The following RNF17 variants were observed in gnomAD, a reference collection of about 807,000 sequenced individuals.
RNF17 encodes spermatogenesis associated 23.
In RNF17, 31 loss-of-function variants were observed where a neutral mutation model predicts 200.5. The observed-to-expected ratio is 0.15, with a 90% CI of 0.12 to 0.21. The LOEUF (loss-of-function observed/expected upper bound fraction) is 0.21. Ranked by LOEUF, RNF17 falls within the 10% of genes least tolerant of loss-of-function variation. RNF17 has a pLI of 1.00. For missense variants in RNF17, 1,628 were observed against 1,905.1 expected (o/e 0.85, Z 2.71); for synonymous variants, 606 against 637.8 (o/e 0.95, Z 0.75).
intron 18 of RNF17, among the ~76,000 whole-genome samples, chr13:24,832,457 C>A (rs1334690458): frequency 6.6e-6 from 1 of 152,136 alleles, no homozygotes; most frequent in Admixed American, 6.5e-5. Flanking sequence ...TAGAGTCTGA[C>A]CACTAGCCCA....
At chr13:24,888,295 G>T in the RNF17 span, among the ~76,000 whole-genome samples, 1 of 151,936 alleles carries the variant, frequency 6.6e-6, no homozygotes, top group Non-Finnish European at 1.5e-5. Context: ...AACCCAGATT[G>T]GGAGAAAATA....
the RNF17 span, among the ~76,000 whole-genome samples, chr13:24,748,842 C>T: frequency 6.6e-6 from 1 of 151,966 alleles, no homozygotes; most frequent in South Asian, 2.1e-4. Flanking sequence ...CTCCGCCTCC[C>T]GGGTCCAAGC....
upstream of RNF17, among the ~76,000 whole-genome samples, chr13:24,761,227 G>A (rs1287682004): frequency 6.6e-6 from 1 of 151,770 alleles, no homozygotes; most frequent in African/African-American, 2.4e-5. Context: ...TATGTTATAT[G>A]TTTCTATTCA....
At position 24,843,911 on chromosome 13, in the gene RNF17, A is replaced by G. The variant is rs1890963250; in HGVS notation, c.2771A>G (p.Asn924Ser). ...AAGGAATTGCCTGTGCATATCTGTAATGTAATATCTCCTGAGAAGATTTAT... is the reference window on the plus strand; with the variant it reads ...AAGGAATTGCCTGTGCATATCTGTAGTGTAATATCTCCTGAGAAGATTTAT... ...YNKELPVHIC[N>S]VISPEKIYVQ... The change falls in exon 20 of 36, where the codon AAT becomes AGT. Residue 924 changes from asparagine (N) to serine (S), a missense_variant. Asn to Ser is a conservative substitution (Grantham distance 46). Coordinates refer to ENST00000255324, the MANE Select transcript of RNF17 (RefSeq NM_031277.3). 6.3e-7 allele frequency: 1 copy of G among 1,594,288 alleles called. No individual in the cohort carries two copies. The highest frequency in any genetic ancestry group is 8.6e-7 in the Non-Finnish European group (1 of 1,168,048).
intron 20 of RNF17, 91 bp from the exon 21 acceptor site, chr13:24,844,561 C>T (rs1373009389): frequency 7.9e-6 from 8 of 1,008,990 alleles, no homozygotes; most frequent in East Asian, 2.5e-5. Flanking sequence ...TTGGCTGGAG[C>T]GGAATGAGCA....
At position 24,844,575 on chromosome 13, in the gene RNF17, G is replaced by A. The variant is rs553603616; in HGVS notation, c.2832-77G>A. 4.5e-5 allele frequency: 52 copies of A among 1,167,606 alleles called. No homozygotes were observed. The South Asian group carries it at 4.6e-4, about 10-fold the overall frequency. 72.3% of individuals were successfully genotyped at this position (1,167,606 alleles called of 1,614,324 possible). A position where few individuals can be genotyped will look rare whatever the true frequency, so the allele number is the denominator to read the frequency against. ...CTTGGCTGGAGCGGAATGAGCAAGC[G>A]GAGATTGTAGGAAACATGTAGCCAG... On this transcript the variant is annotated intron_variant, in intron 20 of 35. Coordinates refer to ENST00000255324, the MANE Select transcript of RNF17 (RefSeq NM_031277.3).
At position 24,788,002 on chromosome 13, in the gene RNF17, G is replaced by T; in HGVS notation, c.626G>T (p.Cys209Phe). Residue 209 changes from cysteine to phenylalanine, a missense_variant, in exon 7 of 36, where the codon TGT (cysteine) becomes TTT (phenylalanine). This residue lies in a region of RNF17 where 502 missense variants were observed against 501.7 expected (regional missense o/e 1.00). Transcript: ENST00000255324. ...CTTAAATGAAGGAAAAAGAACCTGT[G>T]TGAAGAATTTGCAAGAACTACTGAT... ...AFFDSRKKNL[C>F]EEFARTTDDY... 1 of 1,558,174 alleles carries T rather than the reference G, an allele frequency of 6.4e-7. No homozygotes were observed. The highest frequency in any genetic ancestry group is 2.2e-5 in the Admixed American group (1 of 45,082).
Position 24,831,882 on chromosome 13 carries a change from A to G in RNF17, c.2386A>G (p.Ile796Val), listed in dbSNP as rs781227629. 19 of 1,607,258 alleles carry G rather than the reference A, an allele frequency of 1.2e-5. No homozygotes were observed. The highest frequency in any genetic ancestry group is 1.7e-5 in the Admixed American group (1 of 58,030). Residue 796 changes from isoleucine to valine, a missense_variant, in exon 18 of 36, where the codon ATT becomes GTT. Around this residue, in one of 5 missense-constraint regions of RNF17, gnomAD observed 227 missense variants for 319.8 expected, o/e 0.71. Transcript: ENST00000255324. ...GGCAATTAAATGTAAGTTGGCCTAT[A>G]TTGAACCATATAAAAGGACAATGCA... ...EKAIKCKLAY[I>V]EPYKRTMQWS...
chr13:24,834,490 G>A (rs374778337), intron 18 of RNF17, among the ~76,000 whole-genome samples: 11 of 152,076 alleles, frequency 7.2e-5, no homozygotes, highest in Non-Finnish European at 1.3e-4. Flanking sequence ...TGGAGGACCC[G>A]GGAGAGCCCC....
In RNF17 at chr13:24,783,440, G is replaced by A. The variant is rs539886350; in HGVS notation, c.611+1496G>A. On this transcript the variant is annotated intron_variant, in intron 6 of 35. Coordinates refer to ENST00000255324, the MANE Select transcript of RNF17 (RefSeq NM_031277.3). ...CACAAAACAATGTCATTGAGATTTT[G>A]TTAGGGATTGCATTGAATTGTAGAT... Among the ~76,000 whole-genome samples the A allele has an allele frequency of 2.0e-5, 3 of 152,198 alleles. No homozygotes were observed. The South Asian group carries it at 6.2e-4, about 32-fold the overall frequency.
At chr13:24,868,826 A>G (rs1191610455) in intron 31 of RNF17, 110 bp downstream of exon 31, 4 of 695,268 alleles carry the variant, frequency 5.8e-6, no homozygotes, top group African/African-American at 1.8e-5. Flanking sequence ...CAAATGTTGC[A>G]AATTCGTGAA....
chr13:24,859,245 A>G, intron 26 of RNF17, 81 bp downstream of exon 26: 1 of 996,520 alleles, frequency 1.0e-6, no homozygotes, highest in South Asian at 3.4e-5. Flanking sequence ...AACACGAGAA[A>G]GTTGGATTAA....
chr13:24,783,708 A>G (rs1882736086), intron 6 of RNF17, among the ~76,000 whole-genome samples: 1 of 143,042 alleles, frequency 7.0e-6, no homozygotes, highest in Non-Finnish European at 1.5e-5. Flanking sequence ...TTTTATATTG[A>G]TTTTTGTGTC....
At chr13:24,750,286 T>C in the RNF17 span, among the ~76,000 whole-genome samples, 1 of 152,268 alleles carries the variant, frequency 6.6e-6, no homozygotes, top group Admixed American at 6.5e-5. Context: ...TTTTGGCTTT[T>C]GGTTTTTTAT....
At chr13:24,870,485 G>A (rs911376308) in intron 31 of RNF17, 86 bp from the exon 32 acceptor site, 7 of 1,169,042 alleles carry the variant, frequency 6.0e-6, no homozygotes, top group Admixed American at 3.9e-5. Context: ...ATCGCTGGAG[G>A]CTGTCTGCTA....
intron 11 of RNF17, 36 bp from the exon 12 acceptor site, chr13:24,799,359 A>T (rs1462551518): frequency 6.6e-7 from 1 of 1,510,406 alleles, no homozygotes; most frequent in Admixed American, 2.0e-5. Flanking sequence ...TTTTATTGAT[A>T]AATGTTTATA....
Position 24,798,712 on chromosome 13 carries a change from AAC to A in RNF17, c.1400-679_1400-678del, listed in dbSNP as rs574185287. ...GTGGGGAGTAAGTGAATTCAAACAA[AAC>A]ACAGAACATTTCTGAGCTCATAGTA... On this transcript the variant is annotated intron_variant, in intron 11 of 35. Transcript: ENST00000255324. 3.3e-5 allele frequency among the ~76,000 whole-genome samples: 5 copies of A among 152,242 alleles called. No homozygotes were observed. In the East Asian group the frequency reaches 9.7e-4, roughly 29 times the overall value.
chr13:24,867,362 C>T (rs1001348846), intron 30 of RNF17, among the ~76,000 whole-genome samples: 2 of 152,088 alleles, frequency 1.3e-5, no homozygotes, highest in Non-Finnish European at 2.9e-5. Flanking sequence ...TTTTAAGTAC[C>T]AAAGTTTTTA....
At chr13:24,869,494 G>A (rs957877813) in intron 31 of RNF17, among the ~76,000 whole-genome samples, 21 of 152,320 alleles carry the variant, frequency 1.4e-4, no homozygotes, top group Middle Eastern at 6.8e-3. Context: ...GAATCTGGGA[G>A]CTGCTGAGTT....
Sources: allele counts gnomAD v4.1 joint callset (sites outside exome capture counted in the v4.1 genomes callset), GRCh38; gene constraint gnomAD v4.1.1; regional missense constraint gnomAD v4.1.1; transcripts MANE v1.5; gene names NCBI Gene and HGNC (gene_info 2026-07-23, HGNC 2026-07-21).